NAA60: variants seen among roughly 807,000 people sequenced by gnomAD.
The protein encoded by NAA60 is N-alpha-acetyltransferase 60.
A neutral mutation model predicts 26.1 loss-of-function variants in NAA60; 8 were observed. That is an observed-to-expected ratio of 0.31 (90% CI 0.18 to 0.55). The LOEUF is 0.55. NAA60 is among the 20% of genes least tolerant of loss of function. The pLI is 0.93. For missense variants in NAA60, 290 were observed against 311.3 expected (o/e 0.93, Z 0.51); for synonymous variants, 131 against 122.5 (o/e 1.07, Z -0.46).
At chr16:3,476,122 T>C in intron 2 of NAA60, 100 bp from the exon 3 acceptor site, 4 of 844,084 alleles carry the variant, frequency 4.7e-6, no homozygotes, top group Non-Finnish European at 7.4e-6. Flanking sequence ...TGTCCACCCG[T>C]GGGACATGCT....
chr16:3,472,722 C>T (rs768361809), intron 2 of NAA60, among the ~76,000 whole-genome samples: 12 of 152,262 alleles, frequency 7.9e-5, no homozygotes, highest in Non-Finnish European at 1.3e-4. Context: ...CATGAGCCAC[C>T]GCTCCTGGCC....
At position 3,483,580 on chromosome 16, in the gene NAA60, C is replaced by T. The variant is rs1466667028; in HGVS notation, c.555C>T (p.His185=). The T allele has an allele frequency of 6.2e-7, 1 of 1,611,674 alleles. No individual in the cohort carries two copies. Among genetic ancestry groups the T allele is most frequent in the Non-Finnish European group, 8.5e-7 (1 of 1,179,074 alleles). The change falls in exon 6 of 8, where the codon CAC becomes CAT. Residue 185 remains histidine (H), a synonymous_variant. Transcript: ENST00000407558. ...ATGTCCTCTACATCAACGGCGGCCA[C>T]CCTCCCTGGACGATTTTATATCCTT... The part of the protein sequence containing the change: ...FTYVLYINGG[H]PPWTILDYIQ...
intron 2 of NAA60, chr16:3,449,888 C>T (rs958447428): frequency 4.1e-5 from 16 of 388,436 alleles, no homozygotes; most frequent in Middle Eastern, 1.3e-3. Context: ...CCATGTGAGA[C>T]ATGCCTTTTA....
intron 2 of NAA60, chr16:3,457,923 C>G (rs1259105967): frequency 1.2e-6 from 1 of 808,282 alleles, no homozygotes; most frequent in Non-Finnish European, 1.4e-6. Context: ...TCCCAACCTG[C>G]CCGCTCCCAA....
rs539187941 is a variant in NAA60, at chr16:3,478,494, C to G, written c.111-977C>G. Among the ~76,000 whole-genome samples the G allele has an allele frequency of 8.5e-4, 130 of 152,308 alleles. 1 individual carries two copies. The highest frequency in any genetic ancestry group is 3.0e-3 in the African/African-American group (123 of 41,580). On this transcript the variant is annotated intron_variant, in intron 3 of 7. Coordinates refer to ENST00000407558, the MANE Select transcript of NAA60 (RefSeq NM_001083601.3). ...GGGCTGTGAGGCAGCAAAACTAACC[C>G]TACACACCCTAGAAACTCCATGTGC...
chr16:3,455,614 C>G (rs892950989), intron 2 of NAA60, among the ~76,000 whole-genome samples: 17 of 151,642 alleles, frequency 1.1e-4, no homozygotes, highest in African/African-American at 3.9e-4. Context: ...CCAGGATGCT[C>G]TTGATCTCCT....
chr16:3,454,037 G>A (rs1425982418), intron 2 of NAA60, among the ~76,000 whole-genome samples: 9 of 152,152 alleles, frequency 5.9e-5, no homozygotes, highest in Non-Finnish European at 1.2e-4. Context: ...GGGGATTGTC[G>A]GAAAGAGGCC....
intron 2 of NAA60, among the ~76,000 whole-genome samples, chr16:3,454,262 C>G (rs1488585527): frequency 6.6e-6 from 1 of 152,212 alleles, no homozygotes; most frequent in African/African-American, 2.4e-5. Context: ...GTGCCATGAC[C>G]TGGCAGCTTG....
At chr16:3,467,077 A>G (rs1238170272) in intron 2 of NAA60, among the ~76,000 whole-genome samples, 4 of 152,054 alleles carry the variant, frequency 2.6e-5, no homozygotes, top group Admixed American at 2.6e-4. Flanking sequence ...AATGTCAGAC[A>G]GTGGGTGCTT....
chr16:3,467,811 G>C (rs769829322), intron 2 of NAA60: 3 of 152,214 alleles, frequency 2.0e-5, no homozygotes, highest in Non-Finnish European at 4.4e-5. Flanking sequence ...CTCCTGGACA[G>C]TTGTTACCGA....
intron 2 of NAA60, among the ~76,000 whole-genome samples, chr16:3,470,561 G>GTC (rs1008820689): frequency 2.6e-5 from 4 of 152,160 alleles, no homozygotes; most frequent in African/African-American, 9.7e-5. Flanking sequence ...AGCCAGCTCC[G>GTC]TCTCTCTCTC....
chr16:3,468,550 A>G (rs1038344768), intron 2 of NAA60, among the ~76,000 whole-genome samples: 3 of 152,184 alleles, frequency 2.0e-5, no homozygotes, highest in Non-Finnish European at 1.5e-5. Flanking sequence ...CATGTAAAAG[A>G]AATATGAGGT....
Position 3,485,630 on chromosome 16 carries a change from C to T in NAA60, c.*370C>T. 2 of 456,640 alleles carry T rather than the reference C, an allele frequency of 4.4e-6. No homozygotes were observed. Among genetic ancestry groups the T allele is most frequent in the South Asian group, 1.5e-5 (1 of 64,574 alleles). The allele number at this position is 456,640 out of a possible 1,614,324, so 28.3% of individuals were successfully genotyped here. ...CACTCCGCTGCCTGTTCTTGCAGCT[C>T]CTTCCTGGAAAGCTGGAGGGGACTT... is the stretch of plus-strand genomic sequence containing the variant. On this transcript the variant is annotated 3_prime_UTR_variant, in exon 8 of 8. Coordinates refer to ENST00000407558, the MANE Select transcript of NAA60 (RefSeq NM_001083601.3).
chr16:3,473,706 T>TG (rs1269580577), intron 2 of NAA60, among the ~76,000 whole-genome samples: 9 of 133,128 alleles, frequency 6.8e-5, no homozygotes, highest in African/African-American at 2.3e-4. Context: ...GGCCCCAGCT[T>TG]TTTGTTGTTG....
At chr16:3,479,696 C>A in intron 4 of NAA60, 96 bp downstream of exon 4, 1 of 1,437,614 alleles carries the variant, frequency 7.0e-7, no homozygotes, top group Non-Finnish European at 9.4e-7. Context: ...CCACAGCCGT[C>A]GTCCAAGGAG....
intron 2 of NAA60, among the ~76,000 whole-genome samples, chr16:3,449,383 T>C (rs1293670318): frequency 6.6e-6 from 1 of 152,070 alleles, no homozygotes; most frequent in East Asian, 1.9e-4. Context: ...CTGGGCGTGG[T>C]GGTGGGCACC....
At chr16:3,469,002 C>T (rs1416353740) in intron 2 of NAA60, among the ~76,000 whole-genome samples, 1 of 151,528 alleles carries the variant, frequency 6.6e-6, no homozygotes, top group Admixed American at 6.6e-5. Context: ...GTGAGAATCG[C>T]TTGAACTCGG....
At position 3,447,523 on chromosome 16, in the gene NAA60, G is replaced by C. The variant is rs551816775; in HGVS notation, c.-76-948G>C. The C allele has an allele frequency of 6.1e-6, 6 of 985,346 alleles. No homozygotes were observed. In the East Asian group the frequency reaches 4.5e-4, roughly 75 times the overall value. 61.0% of individuals were successfully genotyped at this position (985,346 alleles called of 1,614,324 possible). The stretch of plus-strand genomic sequence containing the variant: ...AGGTCTATTACTTAAACATAAGTAT[G>C]GCTCTGGTTCTTACCGCCTTTACCG... On this transcript the variant is annotated intron_variant, in intron 1 of 7. Transcript: ENST00000407558.
intron 4 of NAA60, 56 bp from the exon 5 acceptor site, chr16:3,482,446 C>T (rs2036896940): frequency 2.1e-6 from 3 of 1,397,318 alleles, no homozygotes; most frequent in Admixed American, 2.0e-5. Context: ...CCGGGCTGTG[C>T]AGTGAGCCGT....
Sources: allele counts gnomAD v4.1 joint callset (sites outside exome capture counted in the v4.1 genomes callset), GRCh38; gene constraint gnomAD v4.1.1; transcripts MANE v1.5; gene names NCBI Gene and HGNC (gene_info 2026-07-23, HGNC 2026-07-21).